RNF144B: variants seen among roughly 807,000 people sequenced by gnomAD.
RNF144B encodes E3 ubiquitin-protein ligase RNF144B.
A neutral mutation model predicts 40.2 loss-of-function variants in RNF144B; 25 were observed. The ratio of observed to expected loss-of-function variants is 0.62; its 90% CI spans 0.45 to 0.87. The LOEUF is 0.87. Among genes scored for constraint, RNF144B ranks in the 40% least tolerant of loss-of-function variants. The pLI, the probability that RNF144B is intolerant of heterozygous loss-of-function variation, is 0.00. For missense variants in RNF144B, 365 were observed against 373.7 expected (o/e 0.98, Z 0.19); for synonymous variants, 145 against 136.3 (o/e 1.06, Z -0.44).
At chr6:18,397,592 G>A (rs67816568) in intron 1 of RNF144B, among the ~76,000 whole-genome samples, 31,261 of 152,098 alleles carry the variant, frequency 0.21, 3,717 homozygotes, top group East Asian at 0.41. Flanking sequence ...TTTGGCTGTA[G>A]TTTTTATTTT....
chr6:18,409,353 G>A (rs12190205), intron 2 of RNF144B, among the ~76,000 whole-genome samples: 88,045 of 133,556 alleles, frequency 0.66, 28,952 homozygotes, highest in Middle Eastern at 0.7. Flanking sequence ...ACTCCAGCCC[G>A]GGCACCTGAG....
In RNF144B at chr6:18,434,257, T is replaced by G. The variant is rs1171108058; in HGVS notation, c.271-5427T>G. On this transcript the variant is annotated intron_variant, in intron 3 of 7. Coordinates refer to ENST00000259939, the MANE Select transcript of RNF144B (RefSeq NM_182757.4). The surrounding 1 kb of genome is among the most constrained non-coding windows in gnomAD (Gnocchi z 4.1). ...TTCTTAACTAAAAAGCAATATACATTGTATTTATTAACACTTCATATGGGA... is the reference window on the plus strand; with the variant it reads ...TTCTTAACTAAAAAGCAATATACATGGTATTTATTAACACTTCATATGGGA... 1.3e-5 allele frequency among the ~76,000 whole-genome samples: 2 copies of G among 152,238 alleles called. No individual in the cohort carries two copies. Among genetic ancestry groups the G allele is most frequent in the African/African-American group, 2.4e-5 (1 of 41,460 alleles).
rs924926868 is a variant in RNF144B at position 18,450,099 on chromosome 6, A to G, written c.332-7056A>G. 6.6e-6 allele frequency among the ~76,000 whole-genome samples: 1 copy of G among 152,210 alleles called. No homozygotes were observed. The highest frequency in any genetic ancestry group is 1.5e-5 in the Non-Finnish European group (1 of 68,040). ...GACTGTAAGGGATAAGTCAGCTGTC[A>G]CTGTTCCAGTTTTGGTTTCTCCTCT... On this transcript the variant is annotated intron_variant, in intron 4 of 7. Coordinates refer to ENST00000259939, the MANE Select transcript of RNF144B (RefSeq NM_182757.4). The surrounding 1 kb of genome is among the most constrained non-coding windows in gnomAD (Gnocchi z 4.7).
chr6:18,465,007 C>T lies in RNF144B; in HGVS notation c.852C>T (p.Ile284=). The change falls in exon 8 of 8, where the codon ATC becomes ATT. Residue 284 remains isoleucine (I), a synonymous_variant. Coordinates refer to ENST00000259939, the MANE Select transcript of RNF144B (RefSeq NM_182757.4). ...PLLLLASPCI[I]CCVCKSCRGK... ...TACTCCTGGCCTCCCCATGTATAAT[C>T]TGTTGTGTCTGCAAGTCCTGTCGGG... is the stretch of plus-strand genomic sequence containing the variant. 1 of 1,613,922 alleles carries T rather than the reference C, an allele frequency of 6.2e-7. No individual in the cohort carries two copies.
Position 18,456,976 on chromosome 6 carries a change from C to T in RNF144B, c.332-179C>T, listed in dbSNP as rs755375165. ...ACTCGGGAGGCTGAGGCAGAAGAAT[C>T]GGTTGAACCCAGGAGGGGAGGTTGC... On this transcript the variant is annotated intron_variant, in intron 4 of 7. Coordinates refer to ENST00000259939, the MANE Select transcript of RNF144B (RefSeq NM_182757.4). The surrounding 1 kb of genome is among the most constrained non-coding windows in gnomAD (Gnocchi z 4.7). Among the ~76,000 whole-genome samples, 1 of 152,156 alleles carries T rather than the reference C, an allele frequency of 6.6e-6. No individual in the cohort carries two copies. Among genetic ancestry groups the T allele is most frequent in the Non-Finnish European group, 1.5e-5 (1 of 68,022 alleles).
At chr6:18,437,171 G>C (rs1021581323) in intron 3 of RNF144B, among the ~76,000 whole-genome samples, 2 of 152,162 alleles carry the variant, frequency 1.3e-5, no homozygotes, top group Non-Finnish European at 2.9e-5. Context: ...GGTGCAACTG[G>C]CTCATGTCTG....
At chr6:18,451,338 A>G (rs1369206411) in intron 4 of RNF144B, among the ~76,000 whole-genome samples, 2 of 152,226 alleles carry the variant, frequency 1.3e-5, no homozygotes, top group Non-Finnish European at 1.5e-5. Flanking sequence ...TCTAATTTTC[A>G]GTCTTATTGT....
rs957034420 is a variant in RNF144B, at chr6:18,464,986, C to G, written c.831C>G (p.Leu277=). Residue 277 remains leucine (L), a synonymous_variant, in exon 8 of 8, where the codon CTC becomes CTG. Coordinates refer to ENST00000259939, the MANE Select transcript of RNF144B (RefSeq NM_182757.4). The surrounding 1 kb of genome is among the most constrained non-coding windows in gnomAD (Gnocchi z 6.1). The part of the protein sequence containing the change: ...IIALVTSPLL[L]LASPCIICCV... ...CCTTGGTTACTTCACCCTTGTTACT[C>G]CTGGCCTCCCCATGTATAATCTGTT... 15 of 1,613,912 alleles carry G rather than the reference C, an allele frequency of 9.3e-6. 1 individual carries two copies. The African/African-American group carries it at 1.2e-4, about 13-fold the overall frequency.
At chr6:18,420,706 A>T (rs1795241556) in intron 2 of RNF144B, among the ~76,000 whole-genome samples, 1 of 152,052 alleles carries the variant, frequency 6.6e-6, no homozygotes, top group African/African-American at 2.4e-5. Context: ...CCCAAGTGAG[A>T]AGGCAATACC....
chr6:18,422,376 G>A lies in RNF144B; in HGVS notation c.166-5205G>A, dbSNP rs1758445159. ...AAACATTGTGATGTCATTGTGCACTGAGGCAGGGAAATGTTAGTCTACATT... is the reference window on the plus strand; with the variant it reads ...AAACATTGTGATGTCATTGTGCACTAAGGCAGGGAAATGTTAGTCTACATT... On this transcript the variant is annotated intron_variant, in intron 2 of 7. Transcript: ENST00000259939. The surrounding 1 kb of genome is among the most constrained non-coding windows in gnomAD (Gnocchi z 4.7). Among the ~76,000 whole-genome samples the A allele has an allele frequency of 6.6e-6, 1 of 152,184 alleles. No individual in the cohort carries two copies. The highest frequency in any genetic ancestry group is 1.5e-5 in the Non-Finnish European group (1 of 68,038).
At chr6:18,417,697 C>T (rs62397744) in intron 2 of RNF144B, among the ~76,000 whole-genome samples, 1 of 151,978 alleles carries the variant, frequency 6.6e-6, no homozygotes, top group African/African-American at 2.4e-5. Flanking sequence ...AGATGTGACA[C>T]CAAAAGCATA....
chr6:18,414,385 G>A lies in RNF144B; in HGVS notation c.166-13196G>A, dbSNP rs951446002. Among the ~76,000 whole-genome samples the A allele has an allele frequency of 2.0e-5, 3 of 151,854 alleles. No individual in the cohort carries two copies. The highest frequency in any genetic ancestry group is 7.3e-5 in the African/African-American group (3 of 41,338). ...TATCTTCTTGAGGAAACTGTTAAGC[G>A]TCACTCTTTCCCAACTTTTGGGTCA... On this transcript the variant is annotated intron_variant, in intron 2 of 7. Transcript: ENST00000259939. The surrounding 1 kb of genome is among the most constrained non-coding windows in gnomAD (Gnocchi z 4.9).
intron 2 of RNF144B, among the ~76,000 whole-genome samples, chr6:18,421,866 C>T (rs757080288): frequency 2.0e-5 from 3 of 152,024 alleles, no homozygotes; most frequent in African/African-American, 7.2e-5. Flanking sequence ...GGATGAGGGA[C>T]GAGAACTGTC....
intron 2 of RNF144B, among the ~76,000 whole-genome samples, chr6:18,421,315 C>CACACATAT (rs1554176693): frequency 7.0e-6 from 1 of 142,508 alleles, no homozygotes; most frequent in African/African-American, 2.7e-5. Flanking sequence ...CACACACACA[C>CACACATAT]ATATATATAA....
At position 18,459,898 on chromosome 6, in the gene RNF144B, G is replaced by T. The variant is rs1234823055; in HGVS notation, c.681+147G>T. The T allele has an allele frequency of 7.2e-6, 5 of 697,386 alleles. No homozygotes were observed. The Admixed American group carries it at 1.1e-4, about 15-fold the overall frequency. The allele number at this position is 697,386 out of a possible 1,614,324, so 43.2% of individuals were successfully genotyped here. A position where few individuals can be genotyped will look rare whatever the true frequency, so the allele number is the denominator to read the frequency against. On this transcript the variant is annotated intron_variant, in intron 6 of 7. Transcript: ENST00000259939. The surrounding 1 kb of genome is among the most constrained non-coding windows in gnomAD (Gnocchi z 4.2). ...TTTCTTAATGAGACTTACTAAGCCT[G>T]ATACTTTAGATATCTAAAAACATCT...
At position 18,466,713 on chromosome 6, in the gene RNF144B, T is replaced by C. The variant is rs973024945; in HGVS notation, c.*1646T>C. On this transcript the variant is annotated 3_prime_UTR_variant, in exon 8 of 8. Transcript: ENST00000259939. The stretch of plus-strand genomic sequence containing the variant: ...ACTGGGTAATAGAATATCAAATTGC[T>C]GCTATCTCGGACCTATTGTTAAAGG... The C allele has an allele frequency of 4.6e-5, 7 of 152,648 alleles. No homozygotes were observed. Among genetic ancestry groups the C allele is most frequent in the African/African-American group, 1.7e-4 (7 of 41,462 alleles). The allele number at this position is 152,648 out of a possible 1,614,324, so 9.5% of individuals were successfully genotyped here.
At position 18,422,043 on chromosome 6, in the gene RNF144B, G is replaced by C. The variant is rs1288396328; in HGVS notation, c.166-5538G>C. Among the ~76,000 whole-genome samples the C allele has an allele frequency of 6.6e-6, 1 of 152,124 alleles. No homozygotes were observed. Among genetic ancestry groups the C allele is most frequent in the Non-Finnish European group, 1.5e-5 (1 of 68,024 alleles). On this transcript the variant is annotated intron_variant, in intron 2 of 7. Transcript: ENST00000259939. The surrounding 1 kb of genome is among the most constrained non-coding windows in gnomAD (Gnocchi z 4.7). ...TGGTCACCTAAGTAATCTCATATTG[G>C]TGAAAAAGCCAAGGTATCTGAAAGG...
At position 18,425,383 on chromosome 6, in the gene RNF144B, C is replaced by T. The variant is rs1378845240; in HGVS notation, c.166-2198C>T. ...GTGGCTGATGGAAGGCTGAGATGTC[C>T]TCAGCAGCAGAACAGGATGGACAGG... On this transcript the variant is annotated intron_variant, in intron 2 of 7. Transcript: ENST00000259939. This position sits in a 1 kb window ranked among gnomAD's most constrained non-coding sequence, Gnocchi z 4.2. Among the ~76,000 whole-genome samples, 1 of 152,154 alleles carries T rather than the reference C, an allele frequency of 6.6e-6. No individual in the cohort carries two copies. Among genetic ancestry groups the T allele is most frequent in the Non-Finnish European group, 1.5e-5 (1 of 68,028 alleles).
rs1304661055 is a variant in RNF144B, at chr6:18,460,322, A to G, written c.681+571A>G. Reference sequence around the variant, plus strand: ...TTCTTAGTCGTTGCTCCCTCTGACCACAGCTGGGAAAGGTTCTCTGCCTGA... The same window carrying G: ...TTCTTAGTCGTTGCTCCCTCTGACCGCAGCTGGGAAAGGTTCTCTGCCTGA... On this transcript the variant is annotated intron_variant, in intron 6 of 7. Coordinates refer to ENST00000259939, the MANE Select transcript of RNF144B (RefSeq NM_182757.4). This position sits in a 1 kb window ranked among gnomAD's most constrained non-coding sequence, Gnocchi z 4.4. 6.6e-6 allele frequency among the ~76,000 whole-genome samples: 1 copy of G among 152,106 alleles called. No homozygotes were observed. Among genetic ancestry groups the G allele is most frequent in the Non-Finnish European group, 1.5e-5 (1 of 68,028 alleles).
Sources: gnomAD v4.1 joint callset for allele counts (sites outside exome capture counted in the v4.1 genomes callset) on GRCh38, gnomAD v4.1.1 for gene constraint, Gnocchi (gnomAD v3.1) non-coding constraint, MANE v1.5 for transcripts, NCBI Gene and HGNC (gene_info 2026-07-23, HGNC 2026-07-21) for gene names.